Variants in PALB2 observed in about 807,000 individuals in gnomAD.
PALB2 encodes the protein mutant partner and localizer of BRCA2.
A neutral mutation model predicts 107.4 loss-of-function variants in PALB2; 82 were observed. That is an observed-to-expected ratio of 0.76 (90% CI 0.64 to 0.92). The LOEUF is 0.92. PALB2 is among the 40% of genes least tolerant of loss of function. PALB2 has a pLI of 0.00. For synonymous variants in PALB2, 489 were observed against 496.8 expected, an observed-to-expected ratio of 0.98 and a Z score of 0.21; for missense variants, 1,374 against 1,379.9, an observed-to-expected ratio of 1.00 and a Z score of 0.07.
At chr16:23,620,698 T>C (rs1221063639) in intron 10 of PALB2, among the ~76,000 whole-genome samples, 1 of 152,252 alleles carries the variant, frequency 6.6e-6, no homozygotes, top group African/African-American at 2.4e-5. Context: ...TTTTAAATAG[T>C]CTACTCAGAC....
At chr16:23,606,087 A>C (rs1171475014) in intron 12 of PALB2, 1 of 152,208 alleles carries the variant, frequency 6.6e-6, no homozygotes, top group African/African-American at 2.4e-5. Flanking sequence ...TGAACAGATG[A>C]GTTTGAAAAG....
chr16:23,620,889 A>G (rs1172441728), intron 10 of PALB2, among the ~76,000 whole-genome samples: 2 of 152,198 alleles, frequency 1.3e-5, no homozygotes, highest in African/African-American at 4.8e-5. Flanking sequence ...CCTAGCCAAC[A>G]TGGCAAAATC....
chr16:23,620,391 G>C (rs758169118), intron 10 of PALB2, among the ~76,000 whole-genome samples: 2 of 152,058 alleles, frequency 1.3e-5, no homozygotes, highest in Non-Finnish European at 2.9e-5. Context: ...TAAGCCAGTG[G>C]GACAGAAGAT....
Position 23,626,357 on chromosome 16 carries a change from A to G in PALB2, c.2627T>C (p.Phe876Ser). 6.2e-7 allele frequency: 1 copy of G among 1,614,216 alleles called. No individual in the cohort carries two copies. Among genetic ancestry groups the G allele is most frequent in the Non-Finnish European group, 8.5e-7 (1 of 1,180,044 alleles). The change falls in exon 7 of 13, where the codon TTT becomes TCT. Residue 876 changes from phenylalanine (F) to serine (S), a missense_variant. Physicochemically the swap from Phe to Ser is radical, Grantham distance 155. Coordinates refer to ENST00000261584, the MANE Select transcript of PALB2 (RefSeq NM_024675.4). Reference protein sequence around the residue: ...GSCSVDVSAMFWERAGCKEPC... With the variant: ...GSCSVDVSAMSWERAGCKEPC... ...CTCTTTACAACCGGCTCTTTCCCAA[A>G]ACATGGCACTCACATCTACGGAACA...
chr16:23,629,411 G>T, intron 5 of PALB2, 136 bp from the exon 6 acceptor site: 1 of 928,484 alleles, frequency 1.1e-6, no homozygotes, highest in Non-Finnish European at 1.7e-6. Context: ...AATGCAAACT[G>T]TTTCACTGAT....
intron 7 of PALB2, among the ~76,000 whole-genome samples, chr16:23,625,297 C>T (rs908151106): frequency 2.6e-5 from 4 of 152,058 alleles, no homozygotes; most frequent in African/African-American, 7.2e-5. Flanking sequence ...CGCCCCACTG[C>T]ACTCCAGCCT....
chr16:23,634,954 A>C lies in PALB2; in HGVS notation c.1592T>G (p.Leu531Trp), dbSNP rs540962715. ...AACAATCGACAGGCTAGAAGTTGGC[A>C]AAAGTGGTTCACAATGATCTGATGC... is the stretch of plus-strand genomic sequence containing the variant. ...TPASDHCEPL[L>W]PTSSLSIVNR... The change falls in exon 4 of 13, where the codon TTG becomes TGG. Residue 531 changes from leucine to tryptophan, a missense_variant. Leu to Trp is a moderately conservative substitution (Grantham distance 61). Coordinates refer to ENST00000261584, the MANE Select transcript of PALB2 (RefSeq NM_024675.4). The C allele has an allele frequency of 6.2e-7, 1 of 1,613,934 alleles. No individual in the cohort carries two copies. Among genetic ancestry groups the C allele is most frequent in the South Asian group, 1.1e-5 (1 of 91,082 alleles).
intron 11 of PALB2, among the ~76,000 whole-genome samples, chr16:23,609,094 G>A (rs758059477): frequency 2.4e-4 from 37 of 152,086 alleles, no homozygotes; most frequent in Admixed American, 1.6e-3. Context: ...CCAAAGGGCC[G>A]GGATTATAGG....
chr16:23,607,288 ATT>A (rs11356162), intron 12 of PALB2: 9,495 of 127,066 alleles, frequency 0.075, 555 homozygotes, highest in African/African-American at 0.17. Flanking sequence ...CTTTATGTGA[ATT>A]TTTTTTTTTT....
At chr16:23,605,305 T>C (rs1567205871) in intron 12 of PALB2, among the ~76,000 whole-genome samples, 1 of 152,194 alleles carries the variant, frequency 6.6e-6, no homozygotes, top group Non-Finnish European at 1.5e-5. Context: ...CTCTCCACTC[T>C]TGTGCTCTCA....
At chr16:23,612,523 C>CTTT (rs900478700) in intron 11 of PALB2, among the ~76,000 whole-genome samples, 31 of 119,480 alleles carry the variant, frequency 2.6e-4, no homozygotes, top group African/African-American at 7.6e-4. Context: ...CAGGCCAAGA[C>CTTT]TTTTTTTTTT....
intron 4 of PALB2, among the ~76,000 whole-genome samples, chr16:23,634,171 T>A (rs1848031113): frequency 6.6e-6 from 1 of 152,250 alleles, no homozygotes; most frequent in South Asian, 2.1e-4. Context: ...GCTCTATTAG[T>A]GAACTCTGGC....
chr16:23,611,323 T>G (rs1343683632), intron 11 of PALB2, among the ~76,000 whole-genome samples: 1 of 151,934 alleles, frequency 6.6e-6, no homozygotes, highest in Non-Finnish European at 1.5e-5. Flanking sequence ...TTTGTATTTT[T>G]TAGTAGAGAC....
intron 10 of PALB2, 28 bp from the exon 11 acceptor site, chr16:23,614,119 T>C: frequency 1.4e-6 from 2 of 1,474,122 alleles, no homozygotes; most frequent in Non-Finnish European, 1.9e-6. Flanking sequence ...AATAAGCTGA[T>C]CACATTCTTC....
At position 23,635,673 on chromosome 16, in the gene PALB2, T is replaced by G. The variant is rs1567222128; in HGVS notation, c.873A>C (p.Ala291=). The G allele has an allele frequency of 6.2e-7, 1 of 1,614,148 alleles. No homozygotes were observed. The highest frequency in any genetic ancestry group is 8.5e-7 in the Non-Finnish European group (1 of 1,179,980). Residue 291 remains alanine, a synonymous_variant, in exon 4 of 13, where the codon GCA becomes GCC. Transcript: ENST00000261584. The stretch of plus-strand genomic sequence containing the variant: ...TAGAGACAGTCATTTTTTTGCCTTG[T>G]GCCTCCAAACTTACAGGTGAAGTAA... ...IRFTSPVSLE[A]QGKKMTVSTD...
chr16:23,637,942 C>T lies in PALB2; in HGVS notation c.119G>A (p.Arg40Lys), dbSNP rs573118236. 3 of 1,613,864 alleles carry T rather than the reference C, an allele frequency of 1.9e-6. No homozygotes were observed. The South Asian group carries it at 3.3e-5, about 18-fold the overall frequency. The part of the protein sequence containing the change: ...KTLARLQRAQ[R>K]AEKIKHSIKK... ...AATAGAATGCTTAATCTTTTCAGCT[C>T]TTTGGGCACGCTAGAGGAGACAAAA... The change falls in exon 3 of 13, where the codon AGA (arginine) becomes AAA (lysine). Residue 40 changes from arginine to lysine, a missense_variant. Transcript: ENST00000261584.
At position 23,634,961 on chromosome 16, in the gene PALB2, G is replaced by T. The variant is rs560839514; in HGVS notation, c.1585C>A (p.Pro529Thr). 6.2e-7 allele frequency: 1 copy of T among 1,614,154 alleles called. No individual in the cohort carries two copies. The highest frequency in any genetic ancestry group is 2.2e-5 in the East Asian group (1 of 44,880). ...ACTPASDHCE[P>T]LLPTSSLSIV... ...GACAGGCTAGAAGTTGGCAAAAGTG[G>T]TTCACAATGATCTGATGCTGGGGTG... Residue 529 changes from proline to threonine, a missense_variant, in exon 4 of 13, where the codon CCA (proline) becomes ACA (threonine). Pro to Thr is a conservative substitution (Grantham distance 38). Transcript: ENST00000261584.
In PALB2 at chr16:23,626,114, G is replaced by C. The variant is rs1171736765; in HGVS notation, c.2748+122C>G. ...GAAACTTTTCATAATAAAATGTTGG[G>C]AAAAAAACCTCATCTCTGTTCTGCC... On this transcript the variant is annotated intron_variant, in intron 7 of 12. Transcript: ENST00000261584. 5 of 1,162,110 alleles carry C rather than the reference G, an allele frequency of 4.3e-6. No homozygotes were observed. The Admixed American group carries it at 5.9e-5, about 14-fold the overall frequency. The allele number at this position is 1,162,110 out of a possible 1,614,324, so 72.0% of individuals were successfully genotyped here. A position where few individuals can be genotyped will look rare whatever the true frequency, so the allele number is the denominator to read the frequency against.
intron 4 of PALB2, 50 bp from the exon 5 acceptor site, chr16:23,630,519 G>A (rs1966868510): frequency 7.1e-7 from 1 of 1,403,792 alleles, no homozygotes. Context: ...CAACAAAACA[G>A]ACAATCTGTT....
Sources: allele counts gnomAD v4.1 joint callset (sites outside exome capture counted in the v4.1 genomes callset), GRCh38; gene constraint gnomAD v4.1.1; transcripts MANE v1.5; gene names NCBI Gene and HGNC (gene_info 2026-07-23, HGNC 2026-07-21).